LHPP: variants seen among roughly 807,000 people sequenced by gnomAD.
LHPP encodes the protein phospholysine phosphohistidine inorganic pyrophosphate phosphatase.
A neutral mutation model predicts 30.3 loss-of-function variants in LHPP; 24 were observed. That is an observed-to-expected ratio of 0.79 (90% CI 0.57 to 1.11). The LOEUF (loss-of-function observed/expected upper bound fraction) is 1.11. Ranked by LOEUF, LHPP falls within the 50% of genes most tolerant of loss-of-function variation. LHPP has a pLI of 0.00. For synonymous variants in LHPP, 150 were observed against 157.1 expected (o/e 0.95, Z 0.34); for missense variants, 356 against 367.2 (o/e 0.97, Z 0.25).
At chr10:124,513,510 G>T (rs1954368389) in intron 5 of LHPP, among the ~76,000 whole-genome samples, 2 of 110,718 alleles carry the variant, frequency 1.8e-5, no homozygotes, top group African/African-American at 7.3e-5. Flanking sequence ...CATCGCCCAT[G>T]CTGGAGTTCA....
chr10:124,530,609 C>T (rs1042442840), intron 6 of LHPP, among the ~76,000 whole-genome samples: 1 of 152,176 alleles, frequency 6.6e-6, no homozygotes, highest in African/African-American at 2.4e-5. Flanking sequence ...TGGGCCTGCT[C>T]ACACCCCACT....
At chr10:124,567,839 GCA>G (rs910455391) in intron 6 of LHPP, among the ~76,000 whole-genome samples, 11 of 152,276 alleles carry the variant, frequency 7.2e-5, no homozygotes, top group African/African-American at 2.4e-4. Context: ...ACACACGAGT[GCA>G]CAGACACGAG....
chr10:124,548,897 C>T (rs1279824202), intron 6 of LHPP, among the ~76,000 whole-genome samples: 1 of 152,186 alleles, frequency 6.6e-6, no homozygotes, highest in East Asian at 1.9e-4. Context: ...AAGGTGGGAT[C>T]GCAGCCTTGG....
intron 1 of LHPP, among the ~76,000 whole-genome samples, chr10:124,464,483 C>T (rs1199206890): frequency 6.6e-6 from 1 of 152,180 alleles, no homozygotes; most frequent in African/African-American, 2.4e-5. Context: ...GGAGACTTGG[C>T]TTCCAGGAGC....
In LHPP at chr10:124,576,540, C is replaced by G. The variant is rs1188167706; in HGVS notation, c.717-36724C>G. Among the ~76,000 whole-genome samples, 2 of 151,354 alleles carry G rather than the reference C, an allele frequency of 1.3e-5. No individual in the cohort carries two copies. The highest frequency in any genetic ancestry group is 6.6e-5 in the Admixed American group (1 of 15,210). ...CCCCTCCATGGCCTGCCCCCAGATCCCCCTTTGCTGCCACCCCTATATCTT... is the reference window on the plus strand; with the variant it reads ...CCCCTCCATGGCCTGCCCCCAGATCGCCCTTTGCTGCCACCCCTATATCTT... On this transcript the variant is annotated intron_variant, in intron 6 of 6. Coordinates refer to ENST00000368842, the MANE Select transcript of LHPP (RefSeq NM_022126.4). This position sits in a 1 kb window ranked among gnomAD's most constrained non-coding sequence, Gnocchi z 4.2.
intron 2 of LHPP, among the ~76,000 whole-genome samples, chr10:124,486,870 A>G (rs1262936339): frequency 2.0e-5 from 3 of 152,202 alleles, no homozygotes; most frequent in Non-Finnish European, 2.9e-5. Context: ...ACCCCTTATC[A>G]GGTAGAACAT....
intron 1 of LHPP, among the ~76,000 whole-genome samples, chr10:124,467,321 G>A (rs577174388): frequency 1.3e-5 from 2 of 150,748 alleles, no homozygotes; most frequent in East Asian, 2.0e-4. Context: ...GGGTATTGTG[G>A]GGGTCAGGGA....
Position 124,593,029 on chromosome 10 carries a change from G to A in LHPP, c.717-20235G>A, listed in dbSNP as rs140715310. Among the ~76,000 whole-genome samples the A allele has an allele frequency of 7.5e-4, 114 of 152,306 alleles. 1 individual carries two copies. In the East Asian group the frequency reaches 0.015, roughly 20 times the overall value. On this transcript the variant is annotated intron_variant, in intron 6 of 6. Transcript: ENST00000368842. This position sits in a 1 kb window ranked among gnomAD's most constrained non-coding sequence, Gnocchi z 4.9. ...TATGATTGATGAGGTGGCCTCAGTC[G>A]GCGTTTCGGGGAACCGGGTACAAGT...
intron 6 of LHPP, among the ~76,000 whole-genome samples, chr10:124,538,179 G>GTCACCACGCGAGTC (rs1366136238): frequency 6.6e-6 from 1 of 151,924 alleles, no homozygotes; most frequent in Non-Finnish European, 1.5e-5. Context: ...ACCATGCAGG[G>GTCACCACGCGAGTC]TCACCATGCG....
At chr10:124,613,219 G>A (rs1451907815) in intron 6 of LHPP, 45 bp from the exon 7 acceptor site, 1 of 1,400,116 alleles carries the variant, frequency 7.1e-7, no homozygotes, top group South Asian at 1.2e-5. Flanking sequence ...GGCTGCAGAG[G>A]GGTCAGCGTG....
chr10:124,509,786 AGCTCACTCCACCTTCACC>A (rs1954254570), intron 5 of LHPP, among the ~76,000 whole-genome samples: 1 of 151,648 alleles, frequency 6.6e-6, no homozygotes, highest in Non-Finnish European at 1.5e-5. Context: ...ACAGACACTG[AGCTCACTCCACCTTCACC>A]ACCCAGCCCT....
chr10:124,610,752 C>T (rs1949174540), intron 6 of LHPP, among the ~76,000 whole-genome samples: 1 of 81,908 alleles, frequency 1.2e-5, no homozygotes, highest in Non-Finnish European at 2.2e-5. Context: ...GCTGATGGAG[C>T]GGGTGAGGGT....
intron 5 of LHPP, among the ~76,000 whole-genome samples, chr10:124,502,336 T>C (rs1164890437): frequency 1.3e-5 from 2 of 151,842 alleles, no homozygotes; most frequent in Non-Finnish European, 2.9e-5. Context: ...CAGAGTTCTC[T>C]ACTGTCATTG....
Position 124,461,899 on chromosome 10 carries a change from G to C in LHPP, c.37G>C (p.Gly13Arg), listed in dbSNP as rs1311232035. The change falls in exon 1 of 7, where the codon GGG becomes CGG. Residue 13 changes from glycine (G) to arginine (R), a missense_variant. By Grantham distance (125) the Gly-to-Arg change is moderately radical. Coordinates refer to ENST00000368842, the MANE Select transcript of LHPP (RefSeq NM_022126.4). The stretch of plus-strand genomic sequence containing the variant: ...GGGCAAGCGGCTGGCTGGCGTGCGC[G>C]GGGTGCTGCTTGACATCTCGGGCGT... ...PWGKRLAGVR[G>R]VLLDISGVLY... 3 of 1,257,466 alleles carry C rather than the reference G, an allele frequency of 2.4e-6. No individual in the cohort carries two copies. The highest frequency in any genetic ancestry group is 2.0e-6 in the Non-Finnish European group (2 of 997,874). The allele number at this position is 1,257,466 out of a possible 1,614,324, so 77.9% of individuals were successfully genotyped here.
chr10:124,555,976 C>T (rs1948291932), intron 6 of LHPP, among the ~76,000 whole-genome samples: 1 of 151,788 alleles, frequency 6.6e-6, no homozygotes, highest in Admixed American at 6.5e-5. Flanking sequence ...TGGGCCCTAG[C>T]TGGTTGACCC....
chr10:124,532,861 A>T (rs1179083530), intron 6 of LHPP, among the ~76,000 whole-genome samples: 1 of 152,190 alleles, frequency 6.6e-6, no homozygotes, highest in Admixed American at 6.5e-5. Flanking sequence ...TGTGGTGGCA[A>T]AGTGTCCCGA....
At chr10:124,581,493 T>C (rs1236355882) in intron 6 of LHPP, among the ~76,000 whole-genome samples, 1 of 152,246 alleles carries the variant, frequency 6.6e-6, no homozygotes, top group Non-Finnish European at 1.5e-5. Context: ...CAAAAGCAGC[T>C]GCACCATTTT....
chr10:124,554,042 A>C (rs1791603017), intron 6 of LHPP: 1 of 985,336 alleles, frequency 1.0e-6, no homozygotes. Flanking sequence ...AGATAGAAGA[A>C]GGCCTCGAGC....
chr10:124,533,613 A>T (rs1221003235), intron 6 of LHPP, among the ~76,000 whole-genome samples: 1 of 152,152 alleles, frequency 6.6e-6, no homozygotes, highest in Non-Finnish European at 1.5e-5. Flanking sequence ...CGAGGAGGAG[A>T]TGGCTCTTCC....
Sources: gnomAD v4.1 joint callset for allele counts (sites outside exome capture counted in the v4.1 genomes callset) on GRCh38, gnomAD v4.1.1 for gene constraint, Gnocchi (gnomAD v3.1) non-coding constraint, MANE v1.5 for transcripts, NCBI Gene and HGNC (gene_info 2026-07-23, HGNC 2026-07-21) for gene names.